Variants in SH3RF3 observed in about 807,000 individuals in gnomAD.
SH3RF3 encodes SH3 domain containing ring finger 3.
A neutral mutation model predicts 66.3 loss-of-function variants in SH3RF3; 29 were observed. The observed-to-expected ratio is 0.44, with a 90% CI of 0.33 to 0.60. The LOEUF (loss-of-function observed/expected upper bound fraction) is 0.60, where lower values mean the gene tolerates loss of function less well. SH3RF3 is among the 20% of genes least tolerant of loss of function. The probability of loss-of-function intolerance (pLI) is 0.04; values close to 1 mark genes in which losing one functional copy is unlikely to be tolerated. For synonymous variants in SH3RF3, 583 were observed against 532.0 expected (o/e 1.10, Z -1.32); for missense variants, 1,194 against 1,190.9 (o/e 1.00, Z -0.04).
intron 1 of SH3RF3, among the ~76,000 whole-genome samples, chr2:109,172,335 G>A (rs919082972): frequency 1.3e-5 from 2 of 152,192 alleles, no homozygotes; most frequent in Non-Finnish European, 1.5e-5. Context: ...GGAAATGCGC[G>A]AGCCAGCGGT....
At chr2:109,452,449 C>G (rs938541615) in intron 8 of SH3RF3, among the ~76,000 whole-genome samples, 4 of 152,210 alleles carry the variant, frequency 2.6e-5, no homozygotes, top group African/African-American at 9.6e-5. Flanking sequence ...CTCCTCACTC[C>G]CACATCCACT....
intron 5 of SH3RF3, 29 bp from the exon 6 acceptor site, chr2:109,432,472 C>A (rs549398852): frequency 6.2e-7 from 1 of 1,611,278 alleles, no homozygotes. Context: ...AGGGCTCCCA[C>A]TGACACTGGC....
chr2:109,409,698 G>C (rs1257486103), intron 4 of SH3RF3, among the ~76,000 whole-genome samples: 1 of 152,026 alleles, frequency 6.6e-6, no homozygotes, highest in African/African-American at 2.4e-5. Flanking sequence ...TGCCCTCCCC[G>C]AGAGGGAGAT....
At chr2:109,339,209 T>C (rs143009222) in intron 1 of SH3RF3, among the ~76,000 whole-genome samples, 112 of 151,486 alleles carry the variant, frequency 7.4e-4, no homozygotes, top group African/African-American at 2.5e-3. Flanking sequence ...ATAACTTTTA[T>C]TGAAAAAAAT....
At chr2:109,209,109 A>C (rs1002345070) in intron 1 of SH3RF3, among the ~76,000 whole-genome samples, 3 of 152,208 alleles carry the variant, frequency 2.0e-5, no homozygotes, top group African/African-American at 7.2e-5. Context: ...ATGTTGCCCA[A>C]CTTTTTCTAC....
intron 1 of SH3RF3, among the ~76,000 whole-genome samples, chr2:109,153,759 G>C (rs1368521221): frequency 6.6e-6 from 1 of 152,172 alleles, no homozygotes; most frequent in Non-Finnish European, 1.5e-5. Context: ...GTGCATTTTG[G>C]CTAAAGCCAC....
At chr2:109,259,863 C>T (rs1170553586) in intron 1 of SH3RF3, among the ~76,000 whole-genome samples, 2 of 152,102 alleles carry the variant, frequency 1.3e-5, no homozygotes, top group Non-Finnish European at 2.9e-5. Flanking sequence ...GCCTCTGGGC[C>T]GGGCGCTGTG....
At chr2:109,198,533 C>T (rs1020775704) in intron 1 of SH3RF3, among the ~76,000 whole-genome samples, 1 of 152,140 alleles carries the variant, frequency 6.6e-6, no homozygotes, top group Admixed American at 6.5e-5. Flanking sequence ...CAGCAGACAT[C>T]GATTTCTGTG....
At chr2:109,165,612 C>T (rs2104924875) in intron 1 of SH3RF3, among the ~76,000 whole-genome samples, 1 of 152,320 alleles carries the variant, frequency 6.6e-6, no homozygotes, top group South Asian at 2.1e-4. Flanking sequence ...ACATTGCCAA[C>T]TCTGCCTTAG....
chr2:109,429,526 G>C (rs143889204), intron 5 of SH3RF3, among the ~76,000 whole-genome samples: 5 of 152,208 alleles, frequency 3.3e-5, no homozygotes, highest in African/African-American at 1.2e-4. Context: ...CCTACGCGTT[G>C]GCCACACCGG....
chr2:109,187,562 T>C (rs1678225124), intron 1 of SH3RF3, among the ~76,000 whole-genome samples: 1 of 151,876 alleles, frequency 6.6e-6, no homozygotes, highest in South Asian at 2.1e-4. Context: ...CTAAGGTGTC[T>C]AGTACAGTCC....
intron 1 of SH3RF3, among the ~76,000 whole-genome samples, chr2:109,340,361 G>A (rs1682532346): frequency 6.6e-6 from 1 of 152,198 alleles, no homozygotes. Context: ...AGGACAGGAA[G>A]GGGCAAGGTC....
At chr2:109,163,641 C>T (rs1179530218) in intron 1 of SH3RF3, among the ~76,000 whole-genome samples, 4 of 151,942 alleles carry the variant, frequency 2.6e-5, no homozygotes, top group South Asian at 2.1e-4. Flanking sequence ...CCTCGTGATC[C>T]GCCCGCCTCG....
At chr2:109,464,909 A>G (rs114166375) in intron 8 of SH3RF3, among the ~76,000 whole-genome samples, 37 of 152,350 alleles carry the variant, frequency 2.4e-4, no homozygotes, top group African/African-American at 7.9e-4. Flanking sequence ...ACATGTGTCC[A>G]GCATTATAGT....
At chr2:109,410,262 A>G (rs182404722) in intron 4 of SH3RF3, among the ~76,000 whole-genome samples, 5 of 152,368 alleles carry the variant, frequency 3.3e-5, no homozygotes, top group Admixed American at 2.6e-4. Context: ...CACAGATGAC[A>G]GCCCAATCTT....
chr2:109,303,938 C>T (rs1436234819), intron 1 of SH3RF3, among the ~76,000 whole-genome samples: 2 of 151,996 alleles, frequency 1.3e-5, no homozygotes, highest in African/African-American at 2.4e-5. Flanking sequence ...CCCGTCTCTA[C>T]TGAAAATACA....
chr2:109,260,105 C>CT (rs1558987567), intron 1 of SH3RF3, among the ~76,000 whole-genome samples: 1 of 152,072 alleles, frequency 6.6e-6, no homozygotes, highest in Non-Finnish European at 1.5e-5. Context: ...GAGAGGCTCT[C>CT]TGGGATCTTT....
At chr2:109,362,811 A>G (rs1378606252) in intron 2 of SH3RF3, among the ~76,000 whole-genome samples, 1 of 152,124 alleles carries the variant, frequency 6.6e-6, no homozygotes, top group South Asian at 2.1e-4. Flanking sequence ...CCCCTTCGTC[A>G]TTATGTAATG....
At position 109,412,124 on chromosome 2, in the gene SH3RF3, G is replaced by A. The variant is rs150622940; in HGVS notation, c.1300-7415G>A. 3.6e-3 allele frequency among the ~76,000 whole-genome samples: 555 copies of A among 152,320 alleles called. 1 individual carries two copies. The highest frequency in any genetic ancestry group is 0.012 in the African/African-American group (496 of 41,564). On this transcript the variant is annotated intron_variant, in intron 4 of 9. Transcript: ENST00000309415. ...TCACGCAGGGCAGTCGGTGGATGCCGGCACAGATGGGATGGTGAGCCTTCG... is the reference window on the plus strand; with the variant it reads ...TCACGCAGGGCAGTCGGTGGATGCCAGCACAGATGGGATGGTGAGCCTTCG...
Sources: allele counts gnomAD v4.1 joint callset (sites outside exome capture counted in the v4.1 genomes callset), GRCh38; gene constraint gnomAD v4.1.1; transcripts MANE v1.5; gene names NCBI Gene and HGNC (gene_info 2026-07-23, HGNC 2026-07-21).